Variants in WWC1 observed in about 807,000 individuals in gnomAD.
WWC1 encodes WW and C2 domain containing 1, also known as protein KIBRA.
WWC1 carries 55 observed loss-of-function variants against 138.4 expected under a neutral mutation model. That is an observed-to-expected ratio of 0.40 (90% CI 0.32 to 0.50). The LOEUF (loss-of-function observed/expected upper bound fraction) is 0.50. Ranked by LOEUF, WWC1 falls within the 20% of genes least tolerant of loss-of-function variation. The pLI is 0.72. For missense variants in WWC1, 1,226 were observed against 1,420.4 expected (o/e 0.86, Z 2.20); for synonymous variants, 524 against 564.9 (o/e 0.93, Z 1.03).
intron 3 of WWC1, among the ~76,000 whole-genome samples, chr5:168,386,738 T>G (rs1209713549): frequency 6.6e-6 from 1 of 152,068 alleles, no homozygotes; most frequent in Non-Finnish European, 1.5e-5. Flanking sequence ...CTTGGCTCAC[T>G]GTAACCTCCA....
chr5:168,353,712 G>A (rs1775173911), intron 1 of WWC1, among the ~76,000 whole-genome samples: 1 of 152,236 alleles, frequency 6.6e-6, no homozygotes, highest in Non-Finnish European at 1.5e-5. Flanking sequence ...ACTGTGTAGT[G>A]TGTGGTTGGG....
intron 11 of WWC1, among the ~76,000 whole-genome samples, chr5:168,424,623 T>C (rs949137420): frequency 1.3e-5 from 2 of 152,118 alleles, no homozygotes; most frequent in Non-Finnish European, 2.9e-5. Context: ...GGAGCCAGCC[T>C]TGGGAAAAGC....
intron 1 of WWC1, among the ~76,000 whole-genome samples, chr5:168,293,758 G>T (rs775678786): frequency 6.6e-6 from 1 of 152,156 alleles, no homozygotes; most frequent in African/African-American, 2.4e-5. Context: ...GTACATCAGC[G>T]CCCAACTCCC....
Position 168,354,454 on chromosome 5 carries a change from G to C in WWC1, c.120-16970G>C, listed in dbSNP as rs1035438529. 2.6e-5 allele frequency among the ~76,000 whole-genome samples: 4 copies of C among 152,078 alleles called. 1 individual carries two copies. Among genetic ancestry groups the C allele is most frequent in the Admixed American group, 2.6e-4 (4 of 15,276 alleles). Reference sequence around the variant, plus strand: ...TTCTCATTGGCTGTATTTTCATTAAGGAAAAGCAAAATTTAAACTATTTGG... The same window carrying C: ...TTCTCATTGGCTGTATTTTCATTAACGAAAAGCAAAATTTAAACTATTTGG... On this transcript the variant is annotated intron_variant, in intron 1 of 22. Coordinates refer to ENST00000265293, the MANE Select transcript of WWC1 (RefSeq NM_015238.3).
At chr5:168,353,402 A>T (rs558850753) in intron 1 of WWC1, among the ~76,000 whole-genome samples, 1 of 152,318 alleles carries the variant, frequency 6.6e-6, no homozygotes, top group African/African-American at 2.4e-5. Context: ...AAGTAAAGAG[A>T]CAAGATGCTA....
At chr5:168,372,675 G>A (rs1401039182) in intron 2 of WWC1, among the ~76,000 whole-genome samples, 3 of 152,192 alleles carry the variant, frequency 2.0e-5, no homozygotes, top group Non-Finnish European at 4.4e-5. Context: ...CTAAAATGTG[G>A]CAGGGCTGGG....
In WWC1 at chr5:168,409,846, C is replaced by T; in HGVS notation, c.868-76C>T. On this transcript the variant is annotated intron_variant, in intron 7 of 22. Transcript: ENST00000265293. ...ACTGCCCACGCAAGCTGTCAAGTCT[C>T]TCATGAGCCCTCGAAACCCAACTCA... 2.0e-6 allele frequency: 3 copies of T among 1,480,158 alleles called. No individual in the cohort carries two copies. In the South Asian group the frequency reaches 3.4e-5, roughly 17 times the overall value. 91.7% of individuals were successfully genotyped at this position (1,480,158 alleles called of 1,614,324 possible).
intron 11 of WWC1, among the ~76,000 whole-genome samples, chr5:168,426,235 G>A (rs571373981): frequency 4.7e-4 from 72 of 152,302 alleles, no homozygotes; most frequent in African/African-American, 1.6e-3. Context: ...AAAAGCAAGC[G>A]CCCTACTATA....
In WWC1 at chr5:168,336,686, A is replaced by ACT. The variant is rs144370468; in HGVS notation, c.120-34736_120-34735dup. Among the ~76,000 whole-genome samples the ACT allele has an allele frequency of 6.5e-3, 980 of 151,772 alleles. 5 individuals are homozygous for ACT. The highest frequency in any genetic ancestry group is 0.011 in the Non-Finnish European group (751 of 67,954). On this transcript the variant is annotated intron_variant, in intron 1 of 22. Coordinates refer to ENST00000265293, the MANE Select transcript of WWC1 (RefSeq NM_015238.3). ...ACTCCTTGTTGTATGTTTAACACTG[A>ACT]CTCCACCGTAGGGAAGAAAGACGAA... is the stretch of plus-strand genomic sequence containing the variant.
Position 168,431,300 on chromosome 5 carries a change from G to T in WWC1, c.2136G>T (p.Leu712=). The part of the protein sequence containing the change: ...VLPCSESTTC[L]FRTRPLDASD... ...CTTGCTCTGAAAGCACAACCTGCCT[G>T]TTCCGGACCCGGCCTCTGGACGCCT... Residue 712 remains leucine (L), a synonymous_variant, in exon 15 of 23, where the codon CTG becomes CTT. Transcript: ENST00000265293. 1.2e-6 allele frequency: 2 copies of T among 1,614,108 alleles called. No individual in the cohort carries two copies. The highest frequency in any genetic ancestry group is 1.7e-6 in the Non-Finnish European group (2 of 1,180,004).
At position 168,471,630 on chromosome 5, in the gene WWC1, G is replaced by A. The variant is rs1368611057; in HGVS notation, c.*2613G>A. 2.0e-5 allele frequency: 3 copies of A among 152,270 alleles called. No homozygotes were observed. Among genetic ancestry groups the A allele is most frequent in the Non-Finnish European group, 4.4e-5 (3 of 68,086 alleles). The allele number at this position is 152,270 out of a possible 1,614,324, so 9.4% of individuals were successfully genotyped here. On this transcript the variant is annotated 3_prime_UTR_variant, in exon 23 of 23. Coordinates refer to ENST00000265293, the MANE Select transcript of WWC1 (RefSeq NM_015238.3). ...CTGGCTGTAAGTGACCCATCCCTTT[G>A]GCTCCCATGATTAGACCAAGGAGAG...
chr5:168,411,850 C>A, intron 8 of WWC1: 1 of 393,608 alleles, frequency 2.5e-6, no homozygotes, highest in Non-Finnish European at 3.5e-6. Flanking sequence ...GTCGTGTTTC[C>A]AGTGCTGGGA....
chr5:168,340,785 C>T (rs962860346), intron 1 of WWC1, among the ~76,000 whole-genome samples: 5 of 152,182 alleles, frequency 3.3e-5, no homozygotes, highest in African/African-American at 1.2e-4. Context: ...TGAATGAATG[C>T]TGCTATGAAC....
intron 1 of WWC1, among the ~76,000 whole-genome samples, chr5:168,318,325 T>G (rs1395849729): frequency 6.6e-6 from 1 of 152,168 alleles, no homozygotes; most frequent in Non-Finnish European, 1.5e-5. Flanking sequence ...TTTTTAATTG[T>G]GGCAAAATAT....
intron 2 of WWC1, among the ~76,000 whole-genome samples, chr5:168,383,037 G>A (rs909483244): frequency 2.0e-5 from 3 of 151,952 alleles, no homozygotes; most frequent in Non-Finnish European, 2.9e-5. Flanking sequence ...TTAGCTGGGC[G>A]TAGTGGCAGG....
chr5:168,426,673 C>T (rs961083711), intron 11 of WWC1, among the ~76,000 whole-genome samples: 1 of 152,214 alleles, frequency 6.6e-6, no homozygotes. Flanking sequence ...AGGCATGGGA[C>T]GCAGGCTCAG....
intron 1 of WWC1, among the ~76,000 whole-genome samples, chr5:168,352,311 T>C (rs1038198566): frequency 1.3e-5 from 2 of 152,232 alleles, no homozygotes; most frequent in African/African-American, 4.8e-5. Context: ...TTCCTTTGCC[T>C]GGGTGGCTTC....
chr5:168,310,393 A>G (rs764988455), intron 1 of WWC1, among the ~76,000 whole-genome samples: 2 of 150,966 alleles, frequency 1.3e-5, no homozygotes, highest in African/African-American at 4.9e-5. Context: ...AACCATTTAA[A>G]TTGTGTGTGT....
chr5:168,421,758 A>AAT (rs1781101655), intron 9 of WWC1, among the ~76,000 whole-genome samples: 1 of 152,184 alleles, frequency 6.6e-6, no homozygotes, highest in Non-Finnish European at 1.5e-5. Flanking sequence ...ACTATGCAGC[A>AAT]TTATTGTGTG....
Sources: allele counts gnomAD v4.1 joint callset (sites outside exome capture counted in the v4.1 genomes callset), GRCh38; gene constraint gnomAD v4.1.1; transcripts MANE v1.5; gene names NCBI Gene and HGNC (gene_info 2026-07-23, HGNC 2026-07-21).